Variants in TTN observed in about 807,000 individuals in gnomAD.
TTN encodes connectin.
A neutral mutation model predicts 3,223.0 loss-of-function variants in TTN; 1,525 were observed. That is an observed-to-expected ratio of 0.47 (90% confidence interval 0.45 to 0.49). The LOEUF (loss-of-function observed/expected upper bound fraction) is 0.49. TTN is among the 20% of genes least tolerant of loss of function. TTN has a pLI of 0.00. For synonymous variants in TTN, 14,094 were observed against 15,161.0 expected (o/e 0.93, Z 5.17); for missense variants, 40,786 against 43,424.0 (o/e 0.94, Z 5.40).
In TTN at chr2:178,775,362, C is replaced by T. The variant is rs764454260; in HGVS notation, c.6502G>A (p.Val2168Ile). The T allele has an allele frequency of 6.2e-7, 1 of 1,613,968 alleles. No homozygotes were observed. The highest frequency in any genetic ancestry group is 1.1e-5 in the South Asian group (1 of 91,082). ...GGAAAGACATGCAAATTACCTTGGA[C>T]AAGTAAGAATGCGTGACTGGAGGTT... ...GETSSHAFLL[V>I]QAKQLITFTQ... Residue 2168 changes from valine (V) to isoleucine (I), a missense_variant, in exon 28 of 363, where the codon GTC becomes ATC. Transcript: ENST00000589042.
At chr2:178,794,850 G>A in intron 7 of TTN, 72 bp downstream of exon 7, 1 of 1,570,388 alleles carries the variant, frequency 6.4e-7, no homozygotes, top group South Asian at 1.1e-5. Flanking sequence ...TACAGACTGA[G>A]TTTCATGGCA....
At position 178,730,176 on chromosome 2, in the gene TTN, T is replaced by G; in HGVS notation, c.18224A>C (p.Lys6075Thr). 6.2e-7 allele frequency: 1 copy of G among 1,613,438 alleles called. No individual in the cohort carries two copies. The highest frequency in any genetic ancestry group is 8.5e-7 in the Non-Finnish European group (1 of 1,179,674). The change falls in exon 62 of 363, where the codon AAA becomes ACA. Residue 6075 changes from lysine to threonine, a missense_variant. Coordinates refer to ENST00000589042, the MANE Select transcript of TTN (RefSeq NM_001267550.2). ...AATGTAGGTTCCAGAATCGGTAGCT[T>G]TGGCTGCAAAGAGCTCTAGACTGGT... ...TSTSLELFAA[K>T]ATDSGTYICQ...
At chr2:178,595,381 AGTT>A in intron 295 of TTN, 123 bp downstream of exon 295, 5 of 817,934 alleles carry the variant, frequency 6.1e-6, no homozygotes, top group Non-Finnish European at 9.7e-6. Context: ...GATACTGAGT[AGTT>A]GTGTGATAAC....
At position 178,564,870 on chromosome 2, in the gene TTN, GATCTTTTGAGATTGATGTC is replaced by G. The variant is rs749610641; in HGVS notation, c.81243_81261del (p.Thr27082ArgfsTer10). The G allele has an allele frequency of 1.2e-6, 2 of 1,612,518 alleles. No individual in the cohort carries two copies. Among genetic ancestry groups the G allele is most frequent in the Non-Finnish European group, 1.7e-6 (2 of 1,179,422 alleles). ...GGCTCATGCCATTGCACAAGCATCTGATCTTTTGAGATTGATGTCACAAAAGGAGTTCCAGGTGGTCCAG... is the reference window on the plus strand; with the variant it reads ...GGCTCATGCCATTGCACAAGCATCTGACAAAAGGAGTTCCAGGTGGTCCAG... On this transcript the variant is annotated frameshift_variant, in exon 326 of 363. Transcript: ENST00000589042. LOFTEE classifies it high-confidence loss of function.
In TTN at chr2:178,562,914, C is replaced by T. The variant is rs776130801; in HGVS notation, c.83218G>A (p.Asp27740Asn). Residue 27740 changes from aspartate to asparagine, a missense_variant, in exon 326 of 363, where the codon GAC becomes AAC. Coordinates refer to ENST00000589042, the MANE Select transcript of TTN (RefSeq NM_001267550.2). Reference sequence around the variant, plus strand: ...AATGTCAGATTATACCGACCACTGTCAAATCTGGTAACATTATCAATCACC... The same window carrying T: ...AATGTCAGATTATACCGACCACTGTTAAATCTGGTAACATTATCAATCACC... Reference protein sequence around the residue: ...MLVIDNVTRFDSGRYNLTLEN... With the variant: ...MLVIDNVTRFNSGRYNLTLEN... 6.2e-7 allele frequency: 1 copy of T among 1,613,394 alleles called. No homozygotes were observed. The highest frequency in any genetic ancestry group is 1.3e-5 in the African/African-American group (1 of 74,894).
intron 21 of TTN, 107 bp from the exon 22 acceptor site, chr2:178,780,312 C>G (rs529273788): frequency 2.1e-6 from 2 of 938,094 alleles, no homozygotes; most frequent in African/African-American, 1.6e-5. Context: ...TAACCAAAAA[C>G]CAAATTTTCC....
rs755215227 is a variant in TTN, at chr2:178,739,395, A to G, written c.13838T>C (p.Val4613Ala). The G allele has an allele frequency of 3.1e-6, 5 of 1,613,896 alleles. No homozygotes were observed. The Admixed American group carries it at 5.0e-5, about 16-fold the overall frequency. The change falls in exon 48 of 363, where the codon GTG (valine) becomes GCG (alanine). Residue 4613 changes from valine to alanine, a missense_variant. Val to Ala is a moderately conservative substitution (Grantham distance 64). Coordinates refer to ENST00000589042, the MANE Select transcript of TTN (RefSeq NM_001267550.2). ...EDGPMIHTPLVDTVSEEGDIV... is the reference protein window; with the variant it reads ...EDGPMIHTPLADTVSEEGDIV... ...ATCACCTTCCTCAGAAACAGTGTCC[A>G]CTAAAGGTGTATGTATCATGGGGCC...
rs369365087 is a variant in TTN, at chr2:178,689,123, A to G, written c.32025T>C (p.Pro10675=). ...VPPPPKVPAL[P]KKPVPEEKVA... ...CTTTCTCCTCTGGGACGGGTTTCTTAGGCAGAGCTGGCACTTTAGAGACAT... is the reference window on the plus strand; with the variant it reads ...CTTTCTCCTCTGGGACGGGTTTCTTGGGCAGAGCTGGCACTTTAGAGACAT... Residue 10675 remains proline (P), a synonymous_variant, in exon 125 of 363, where the codon CCT becomes CCC. Transcript: ENST00000589042. 73 of 1,602,296 alleles carry G rather than the reference A, an allele frequency of 4.6e-5. No homozygotes were observed. Among genetic ancestry groups the G allele is most frequent in the Non-Finnish European group, 5.9e-5 (69 of 1,177,354 alleles).
Position 178,612,518 on chromosome 2 carries a change from G to A in TTN, c.50007C>T (p.Asp16669=). 6.2e-7 allele frequency: 1 copy of A among 1,611,838 alleles called. No individual in the cohort carries two copies. Among genetic ancestry groups the A allele is most frequent in the African/African-American group, 1.3e-5 (1 of 74,884 alleles). The part of the protein sequence containing the change: ...EVINITKNTA[D]LKWTVPEKDG... ...CTTTCTCAGGAACTGTCCATTTTAG[G>A]TCTGCTGTATTTTTTGTGATATTAA... The change falls in exon 266 of 363, where the codon GAC becomes GAT. Residue 16669 remains aspartate (D), a synonymous_variant. Coordinates refer to ENST00000589042, the MANE Select transcript of TTN (RefSeq NM_001267550.2).
Position 178,736,029 on chromosome 2 carries a change from G to A in TTN, c.14417C>T (p.Thr4806Ile). ...GAACTTGGCTGCCTTACCCACAAAAGTTGTAAGGGACTTAGGTCTGGAGAG... is the reference window on the plus strand; with the variant it reads ...GAACTTGGCTGCCTTACCCACAAAAATTGTAAGGGACTTAGGTCTGGAGAG... The part of the protein sequence containing the change: ...TFLSRPKSLT[T>I]FVGKAAKFIC... The change falls in exon 50 of 363, where the codon ACT (threonine) becomes ATT (isoleucine). Residue 4806 changes from threonine (T) to isoleucine (I), a missense_variant. Physicochemically the swap from Thr to Ile is moderately conservative, Grantham distance 89 (BLOSUM62 -1). Transcript: ENST00000589042. 6.2e-7 allele frequency: 1 copy of A among 1,610,590 alleles called. No homozygotes were observed. The highest frequency in any genetic ancestry group is 8.5e-7 in the Non-Finnish European group (1 of 1,178,002).
In TTN at chr2:178,665,027, C is replaced by T; in HGVS notation, c.36044-101G>A. ...ATATAACCACATTTTCTTCTCTTTCCTCCATCCTCCCTTTGTTCCACCAAT... is the reference window on the plus strand; with the variant it reads ...ATATAACCACATTTTCTTCTCTTTCTTCCATCCTCCCTTTGTTCCACCAAT... On this transcript the variant is annotated intron_variant, in intron 165 of 362. Coordinates refer to ENST00000589042, the MANE Select transcript of TTN (RefSeq NM_001267550.2). 5 of 1,328,578 alleles carry T rather than the reference C, an allele frequency of 3.8e-6. No individual in the cohort carries two copies. The South Asian group carries it at 4.0e-5, about 11-fold the overall frequency. 82.3% of individuals were successfully genotyped at this position (1,328,578 alleles called of 1,614,324 possible).
Position 178,566,616 on chromosome 2 carries a change from G to C in TTN, c.79516C>G (p.Leu26506Val). ...TCATAGATGGGTTTACCCCAGGCAA[G>C]TGTGATTGAATTTTTAGTGGTGTCT... ...IVDTTKNSITLAWGKPIYDGG... is the reference protein window; with the variant it reads ...IVDTTKNSITVAWGKPIYDGG... The change falls in exon 326 of 363, where the codon CTT becomes GTT. Residue 26506 changes from leucine to valine, a missense_variant. Coordinates refer to ENST00000589042, the MANE Select transcript of TTN (RefSeq NM_001267550.2). 1 of 1,612,466 alleles carries C rather than the reference G, an allele frequency of 6.2e-7. No homozygotes were observed. The highest frequency in any genetic ancestry group is 8.5e-7 in the Non-Finnish European group (1 of 1,179,666).
chr2:178,647,476 T>C lies in TTN; in HGVS notation c.40058-12A>G, dbSNP rs761603739. On this transcript the variant is annotated splice_polypyrimidine_tract_variant and intron_variant, in intron 213 of 362. Transcript: ENST00000589042. Reference sequence around the variant, plus strand: ...AGGCACTTTGGGCACTTTAAAGATATGATTTTGTTTACTATTAAGAATTTA... The same window carrying C: ...AGGCACTTTGGGCACTTTAAAGATACGATTTTGTTTACTATTAAGAATTTA... The C allele has an allele frequency of 5.8e-6, 9 of 1,549,188 alleles. No individual in the cohort carries two copies. Among genetic ancestry groups the C allele is most frequent in the South Asian group, 3.6e-5 (3 of 83,966 alleles).
In TTN at chr2:178,723,702, T is replaced by G. The variant is rs768501606; in HGVS notation, c.21404-6A>C. 3.2e-6 allele frequency: 5 copies of G among 1,557,282 alleles called. No individual in the cohort carries two copies. In the African/African-American group the frequency reaches 6.9e-5, roughly 21 times the overall value. ...TTTCACAAAAGAGGGTGGTTCTATA[T>G]AGACATGGAGAACAATTAAAAGATC... On this transcript the variant is annotated splice_region_variant and splice_polypyrimidine_tract_variant and intron_variant, in intron 73 of 362. Coordinates refer to ENST00000589042, the MANE Select transcript of TTN (RefSeq NM_001267550.2).
chr2:178,700,233 T>C (rs2074717239), intron 111 of TTN, among the ~76,000 whole-genome samples: 1 of 152,238 alleles, frequency 6.6e-6, no homozygotes, highest in Non-Finnish European at 1.5e-5. Flanking sequence ...GTATGAATCA[T>C]AAAAATGCTT....
chr2:178,644,903 G>A (rs2061698769), intron 217 of TTN: 1 of 306,628 alleles, frequency 3.3e-6, no homozygotes, highest in Non-Finnish European at 6.0e-6. Flanking sequence ...TTACATTAAG[G>A]GAAATGTATT....
At chr2:178,689,003 ATTT>A (rs35770337) in intron 125 of TTN, 47 bp downstream of exon 125, 48,015 of 961,760 alleles carry the variant, frequency 0.05, no homozygotes, top group Non-Finnish European at 0.056. Flanking sequence ...ACACTCGAAG[ATTT>A]TTTTTTTTTT....
Position 178,530,878 on chromosome 2 carries a change from G to A in TTN, c.105737C>T (p.Ala35246Val), listed in dbSNP as rs370476812. The A allele has an allele frequency of 2.5e-6, 4 of 1,613,858 alleles. No individual in the cohort carries two copies. The South Asian group carries it at 3.3e-5, about 13-fold the overall frequency. Residue 35246 changes from alanine to valine, a missense_variant, in exon 358 of 363, where the codon GCA becomes GTA. Physicochemically the swap from Ala to Val is moderately conservative, Grantham distance 64. Transcript: ENST00000589042. The part of the protein sequence containing the change: ...SPEPRVKSPE[A>V]VKSPKRVKSP... ...TTTCACTCGTTTTGGAGACTTAACTGCTTCTGGGGATTTCACCCGAGGCTC... is the reference window on the plus strand; with the variant it reads ...TTTCACTCGTTTTGGAGACTTAACTACTTCTGGGGATTTCACCCGAGGCTC...
At chr2:178,647,239 C>A in intron 214 of TTN, 95 bp from the exon 215 acceptor site, 1 of 1,185,666 alleles carries the variant, frequency 8.4e-7, no homozygotes, top group Non-Finnish European at 1.2e-6. Flanking sequence ...TTAAGTAACA[C>A]TCTATAACAG....
Sources: gnomAD v4.1 joint callset for allele counts (sites outside exome capture counted in the v4.1 genomes callset) on GRCh38, gnomAD v4.1.1 for gene constraint, MANE v1.5 for transcripts, NCBI Gene and HGNC (gene_info 2026-07-23, HGNC 2026-07-21) for gene names.